NPSR1: variants seen among roughly 807,000 people sequenced by gnomAD.
NPSR1 encodes the protein neuropeptide S receptor.
NPSR1 carries 48 observed loss-of-function variants against 46.9 expected under a neutral mutation model. That is an observed-to-expected ratio of 1.02 (90% CI 0.81 to 1.30). NPSR1 has a LOEUF of 1.30. Among genes scored for constraint, NPSR1 ranks in the 50% most tolerant of loss-of-function variants. The pLI is 0.00. For missense variants in NPSR1, 450 were observed against 449.5 expected (o/e 1.00, Z -0.01); for synonymous variants, 176 against 168.1 (o/e 1.05, Z -0.36).
chr7:34,733,718 T>C (rs567456924), intron 2 of NPSR1, among the ~76,000 whole-genome samples: 1 of 152,330 alleles, frequency 6.6e-6, no homozygotes, highest in African/African-American at 2.4e-5. Flanking sequence ...AGTACACTCA[T>C]TGCTATTTAA....
At chr7:34,790,815 A>ATG (rs1787740052) in intron 3 of NPSR1, among the ~76,000 whole-genome samples, 1 of 127,320 alleles carries the variant, frequency 7.9e-6, no homozygotes, top group Admixed American at 8.2e-5. Flanking sequence ...TATGTTATAT[A>ATG]TGTTATAGGT....
intron 2 of NPSR1, among the ~76,000 whole-genome samples, chr7:34,722,995 C>A (rs1783939901): frequency 6.6e-6 from 1 of 152,068 alleles, no homozygotes; most frequent in Non-Finnish European, 1.5e-5. Flanking sequence ...CCTTTCCCAG[C>A]CAAATTGCAA....
chr7:34,722,012 C>CTTTTA, intron 2 of NPSR1, among the ~76,000 whole-genome samples: 1 of 151,706 alleles, frequency 6.6e-6, no homozygotes, highest in Admixed American at 6.6e-5. Context: ...TCAACCATTC[C>CTTTTA]TTTTATTTTA....
chr7:34,759,147 G>T (rs1272459338), intron 2 of NPSR1, among the ~76,000 whole-genome samples: 1 of 152,150 alleles, frequency 6.6e-6, no homozygotes, highest in African/African-American at 2.4e-5. Context: ...CCACTGTAAA[G>T]ATACTATTTT....
At position 34,811,784 on chromosome 7, in the gene NPSR1, C is replaced by A; in HGVS notation, c.399C>A (p.Tyr133Ter). ...TCTGTCTTTAGGTTGTGCTGCTCTA[C>A]GCCTCTACCTACGTCCTGGTGTCCC... ...VVRYLQVVLL[Y>*]ASTYVLVSLS... The change falls in exon 4 of 9, where the codon TAC (tyrosine) becomes TAA (stop). Residue 133 changes from tyrosine to a stop codon, truncating the protein, a stop_gained. Transcript: ENST00000360581. LOFTEE classifies it high-confidence loss of function. 6.2e-7 allele frequency: 1 copy of A among 1,611,968 alleles called. No individual in the cohort carries two copies. Among genetic ancestry groups the A allele is most frequent in the Non-Finnish European group, 8.5e-7 (1 of 1,178,802 alleles).
exon 9 of NPSR1, chr7:34,878,318 T>C: frequency 2.0e-6 from 1 of 509,816 alleles, no homozygotes; most frequent in Non-Finnish European, 3.6e-6. Context: ...CAGGGAGGGC[T>C]ATAAGAAGGC....
intron 2 of NPSR1, among the ~76,000 whole-genome samples, chr7:34,760,537 T>C (rs992799279): frequency 2.0e-5 from 3 of 152,064 alleles, no homozygotes; most frequent in East Asian, 1.9e-4. Flanking sequence ...GTACTGCCCA[T>C]GCATGTAAGA....
rs534237692 is a variant in NPSR1 at position 34,820,824 on chromosome 7, G to A, written c.479-6577G>A. Among the ~76,000 whole-genome samples the A allele has an allele frequency of 1.4e-4, 22 of 152,316 alleles. 1 individual carries two copies. The highest frequency in any genetic ancestry group is 2.4e-4 in the Non-Finnish European group (16 of 68,034). On this transcript the variant is annotated intron_variant, in intron 4 of 8. Coordinates refer to ENST00000360581, the MANE Select transcript of NPSR1 (RefSeq NM_207172.2). ...TCTAAAGACCTGGGATCAACAAAAA[G>A]GAATGTCTGAGTTAAGACAAAGAAT...
At chr7:34,788,369 C>T (rs923968543) in intron 3 of NPSR1, among the ~76,000 whole-genome samples, 8 of 151,084 alleles carry the variant, frequency 5.3e-5, no homozygotes. Context: ...ACACACAAAG[C>T]AGAAAGAGTG....
chr7:34,679,504 G>A (rs913187674), intron 1 of NPSR1, among the ~76,000 whole-genome samples: 2 of 151,984 alleles, frequency 1.3e-5, no homozygotes, highest in African/African-American at 4.8e-5. Context: ...TATCATCCGA[G>A]TGTTTTGATA....
intron 1 of NPSR1, among the ~76,000 whole-genome samples, chr7:34,679,866 T>C (rs925874206): frequency 2.6e-5 from 4 of 152,110 alleles, no homozygotes; most frequent in African/African-American, 9.7e-5. Flanking sequence ...ACTGAAATGG[T>C]GCTACTACTA....
At chr7:34,709,867 AG>A (rs966623020) in intron 2 of NPSR1, among the ~76,000 whole-genome samples, 6 of 152,186 alleles carry the variant, frequency 3.9e-5, no homozygotes, top group Non-Finnish European at 8.8e-5. Context: ...CAAAAAAAAA[AG>A]ATGAGAAGGA....
At chr7:34,755,946 A>G (rs1287207931) in intron 2 of NPSR1, among the ~76,000 whole-genome samples, 1 of 152,194 alleles carries the variant, frequency 6.6e-6, no homozygotes, top group Admixed American at 6.5e-5. Flanking sequence ...AGAAACTGAG[A>G]CCGAAGGAGG....
intron 3 of NPSR1, among the ~76,000 whole-genome samples, chr7:34,785,423 C>T (rs1787419886): frequency 6.7e-6 from 1 of 149,926 alleles, no homozygotes. Context: ...GGAGATATAC[C>T]TAATGCTAAT....
At chr7:34,836,552 C>T (rs1225904075) in intron 6 of NPSR1, among the ~76,000 whole-genome samples, 1 of 151,050 alleles carries the variant, frequency 6.6e-6, no homozygotes, top group Non-Finnish European at 1.5e-5. Context: ...GAAATACACT[C>T]CTTATGAAAC....
At chr7:34,663,067 C>CTCTCTCTGTGTGTGTGTG (rs35826710) in intron 1 of NPSR1, among the ~76,000 whole-genome samples, 45 of 99,420 alleles carry the variant, frequency 4.5e-4, no homozygotes, top group African/African-American at 1.9e-3. Flanking sequence ...CTCTCTCTCT[C>CTCTCTCTGTGTGTGTGTG]TGTGTGTGTG....
intron 3 of NPSR1, among the ~76,000 whole-genome samples, chr7:34,790,092 C>A (rs765233837): frequency 6.6e-5 from 10 of 152,052 alleles, no homozygotes; most frequent in Non-Finnish European, 1.5e-4. Context: ...AGGGCAATAA[C>A]CCTGATGAAC....
chr7:34,658,948 C>A (rs750591970), intron 1 of NPSR1, among the ~76,000 whole-genome samples: 1 of 152,080 alleles, frequency 6.6e-6, no homozygotes, highest in East Asian at 1.9e-4. Context: ...ACCAGAGATG[C>A]GGAAAGCTCA....
At chr7:34,790,389 A>G (rs1270567305) in intron 3 of NPSR1, among the ~76,000 whole-genome samples, 1 of 152,022 alleles carries the variant, frequency 6.6e-6, no homozygotes, top group African/African-American at 2.4e-5. Flanking sequence ...TAAAGACCAC[A>G]TATGACAAGT....
Sources: gnomAD v4.1 joint callset for allele counts (sites outside exome capture counted in the v4.1 genomes callset) on GRCh38, gnomAD v4.1.1 for gene constraint, MANE v1.5 for transcripts, NCBI Gene and HGNC (gene_info 2026-07-23, HGNC 2026-07-21) for gene names.